MYO16: variants seen among roughly 807,000 people sequenced by gnomAD.
The protein encoded by MYO16 is unconventional myosin-XVI.
A neutral mutation model predicts 205.3 loss-of-function variants in MYO16; 94 were observed. The observed-to-expected ratio is 0.46, with a 90% CI of 0.39 to 0.54. MYO16 has a LOEUF of 0.54. Ranked by LOEUF, MYO16 falls within the 20% of genes least tolerant of loss-of-function variation. The pLI is 0.00. For synonymous variants in MYO16, 988 were observed against 954.0 expected, an observed-to-expected ratio of 1.04 and a Z score of -0.66; for missense variants, 2,315 against 2,387.5, an observed-to-expected ratio of 0.97 and a Z score of 0.63.
At chr13:108,986,732 A>G (rs187780075) in intron 20 of MYO16, among the ~76,000 whole-genome samples, 1 of 151,986 alleles carries the variant, frequency 6.6e-6, no homozygotes, top group East Asian at 1.9e-4. Context: ...TACTCTTCTC[A>G]CTACTACAGT....
intron 33 of MYO16, among the ~76,000 whole-genome samples, chr13:109,176,363 A>T (rs1879176098): frequency 1.3e-5 from 2 of 151,752 alleles, no homozygotes; most frequent in South Asian, 4.2e-4. Context: ...AAAGCCTCTT[A>T]TTTAATATAT....
At chr13:108,868,663 C>T (rs1878846883) in intron 12 of MYO16, among the ~76,000 whole-genome samples, 1 of 151,826 alleles carries the variant, frequency 6.6e-6, no homozygotes, top group Non-Finnish European at 1.5e-5. Flanking sequence ...TGGCTCACGC[C>T]TGTAATCTCA....
chr13:108,542,427 T>A, the MYO16 span, among the ~76,000 whole-genome samples: 1 of 152,140 alleles, frequency 6.6e-6, no homozygotes, highest in African/African-American at 2.4e-5. Context: ...CGTCACAAGT[T>A]TACCTTTGTA....
At chr13:109,150,189 T>C (rs1200181916) in intron 32 of MYO16, among the ~76,000 whole-genome samples, 1 of 152,160 alleles carries the variant, frequency 6.6e-6, no homozygotes, top group Non-Finnish European at 1.5e-5. Flanking sequence ...TCAAAAAGTC[T>C]TCATCGTTTG....
intron 1 of MYO16, among the ~76,000 whole-genome samples, chr13:108,641,261 G>A (rs900395350): frequency 3.3e-5 from 5 of 152,200 alleles, no homozygotes; most frequent in Admixed American, 6.5e-5. Context: ...GCTTAACACA[G>A]TCTTTTGCTA....
chr13:108,676,099 T>C (rs1010852626), intron 2 of MYO16, among the ~76,000 whole-genome samples: 1 of 152,226 alleles, frequency 6.6e-6, no homozygotes, highest in Non-Finnish European at 1.5e-5. Context: ...GACATTGTTA[T>C]ATAATCAGTG....
the MYO16 span, among the ~76,000 whole-genome samples, chr13:108,544,061 G>A: frequency 1.4e-4 from 13 of 95,504 alleles, no homozygotes; most frequent in Middle Eastern, 0.014. Context: ...GGGAAACTCC[G>A]TCTCCAAAAA....
chr13:108,947,541 C>G (rs746437642), intron 16 of MYO16, among the ~76,000 whole-genome samples: 1 of 152,208 alleles, frequency 6.6e-6, no homozygotes, highest in Non-Finnish European at 1.5e-5. Flanking sequence ...GCTTCACTCA[C>G]TGAAATATCA....
chr13:108,692,680 A>G (rs1188010303), intron 2 of MYO16, among the ~76,000 whole-genome samples: 2 of 152,224 alleles, frequency 1.3e-5, no homozygotes, highest in Non-Finnish European at 2.9e-5. Context: ...CTCTGGGGAC[A>G]ACAGTTATGA....
intron 23 of MYO16, among the ~76,000 whole-genome samples, chr13:109,043,854 G>A (rs748800384): frequency 6.6e-6 from 1 of 152,152 alleles, no homozygotes; most frequent in South Asian, 2.1e-4. Context: ...TTTCAAGTGA[G>A]AGAGTATTGA....
intron 16 of MYO16, among the ~76,000 whole-genome samples, chr13:108,946,620 G>A (rs1401830485): frequency 3.9e-5 from 6 of 152,136 alleles, no homozygotes; most frequent in Non-Finnish European, 7.4e-5. Flanking sequence ...TGTTAAATAG[G>A]AGTTATTAAA....
chr13:109,067,840 C>A (rs927360566), intron 27 of MYO16, among the ~76,000 whole-genome samples: 8 of 152,214 alleles, frequency 5.3e-5, no homozygotes, highest in Middle Eastern at 3.4e-3. Flanking sequence ...TTTGGAAAAT[C>A]AGCTCAAAGA....
chr13:108,876,046 G>A (rs1879309143), intron 12 of MYO16, among the ~76,000 whole-genome samples: 1 of 152,074 alleles, frequency 6.6e-6, no homozygotes, highest in Admixed American at 6.6e-5. Context: ...GTTGGACTTG[G>A]GGAGGAGTGA....
intron 23 of MYO16, among the ~76,000 whole-genome samples, chr13:109,040,468 A>G (rs557800622): frequency 7.2e-5 from 11 of 152,024 alleles, no homozygotes; most frequent in African/African-American, 2.2e-4. Context: ...AAATATGTTT[A>G]ATATATTAGC....
chr13:109,059,990 A>G (rs904927039), intron 27 of MYO16, among the ~76,000 whole-genome samples: 19 of 152,168 alleles, frequency 1.2e-4, no homozygotes, highest in Admixed American at 4.6e-4. Context: ...AAAACAACAG[A>G]TGCTGGAGAG....
intron 14 of MYO16, among the ~76,000 whole-genome samples, chr13:108,897,496 A>G (rs1391895071): frequency 6.6e-6 from 1 of 152,200 alleles, no homozygotes; most frequent in African/African-American, 2.4e-5. Context: ...GTGAGGCAAA[A>G]GCACGGTACA....
At chr13:108,762,693 A>G (rs983106827) in intron 4 of MYO16, among the ~76,000 whole-genome samples, 3 of 152,220 alleles carry the variant, frequency 2.0e-5, no homozygotes, top group Admixed American at 6.5e-5. Flanking sequence ...AAAATGTGGA[A>G]GAAAACCTCA....
At chr13:108,789,710 T>G (rs539589236) in intron 5 of MYO16, among the ~76,000 whole-genome samples, 1 of 152,246 alleles carries the variant, frequency 6.6e-6, no homozygotes, top group South Asian at 2.1e-4. Flanking sequence ...ACACTTATTA[T>G]GAAGATAAAA....
At chr13:108,767,627 C>T (rs1885825825) in intron 4 of MYO16, among the ~76,000 whole-genome samples, 1 of 151,986 alleles carries the variant, frequency 6.6e-6, no homozygotes, top group South Asian at 2.1e-4. Flanking sequence ...GTTATTTCCC[C>T]ATTGCCAGTT....
Sources: allele counts gnomAD v4.1 joint callset (sites outside exome capture counted in the v4.1 genomes callset), GRCh38; gene constraint gnomAD v4.1.1; transcripts MANE v1.5; gene names NCBI Gene and HGNC (gene_info 2026-07-23, HGNC 2026-07-21).